Variants in KCNH8 observed in about 807,000 individuals in gnomAD.
KCNH8 encodes the protein potassium voltage-gated channel subfamily H member 8.
A neutral mutation model predicts 103.6 loss-of-function variants in KCNH8; 70 were observed. The observed-to-expected ratio is 0.68, with a 90% CI of 0.56 to 0.82. The LOEUF is 0.82. Among genes scored for constraint, KCNH8 ranks in the 40% least tolerant of loss-of-function variants. The pLI is 0.00. For missense variants in KCNH8, 1,217 were observed against 1,329.9 expected (o/e 0.92, Z 1.32); for synonymous variants, 498 against 489.4 (o/e 1.02, Z -0.23).
intron 3 of KCNH8, among the ~76,000 whole-genome samples, chr3:19,295,426 G>A (rs1013580534): frequency 1.4e-5 from 2 of 140,370 alleles, no homozygotes; most frequent in African/African-American, 2.6e-5. Flanking sequence ...AAATAAATAA[G>A]TTCAGGCTGA....
intron 5 of KCNH8, among the ~76,000 whole-genome samples, chr3:19,376,426 C>T (rs374465589): frequency 2.0e-5 from 3 of 152,166 alleles, no homozygotes; most frequent in African/African-American, 7.2e-5. Flanking sequence ...TTGCGCTTCC[C>T]GAGTGAGGCA....
intron 1 of KCNH8, among the ~76,000 whole-genome samples, chr3:19,220,931 G>A (rs1430902202): frequency 2.0e-5 from 3 of 152,146 alleles, no homozygotes; most frequent in Non-Finnish European, 2.9e-5. Flanking sequence ...AAGCTTTGGG[G>A]CCTTTTACTT....
At chr3:19,358,570 TAAAC>T (rs1291261649) in intron 5 of KCNH8, among the ~76,000 whole-genome samples, 1 of 151,904 alleles carries the variant, frequency 6.6e-6, no homozygotes, top group Non-Finnish European at 1.5e-5. Context: ...TGGGTGAAAA[TAAAC>T]AATATTGTTT....
intron 11 of KCNH8, among the ~76,000 whole-genome samples, chr3:19,460,973 C>G (rs971403942): frequency 1.1e-4 from 17 of 152,164 alleles, no homozygotes; most frequent in African/African-American, 3.6e-4. Flanking sequence ...ACCTCCCCAG[C>G]CATGCTGAAC....
intron 5 of KCNH8, among the ~76,000 whole-genome samples, chr3:19,348,950 A>T (rs1365172246): frequency 6.6e-6 from 1 of 151,830 alleles, no homozygotes; most frequent in African/African-American, 2.4e-5. Context: ...TAAATCTTTG[A>T]GGCTAGAGTG....
At chr3:19,237,363 C>T (rs1018150725) in intron 1 of KCNH8, among the ~76,000 whole-genome samples, 2 of 152,214 alleles carry the variant, frequency 1.3e-5, no homozygotes, top group African/African-American at 2.4e-5. Flanking sequence ...GGCTGGATTT[C>T]AGTCCTCATA....
chr3:19,234,058 G>C (rs575524003), intron 1 of KCNH8, among the ~76,000 whole-genome samples: 1 of 152,136 alleles, frequency 6.6e-6, no homozygotes. Flanking sequence ...TGCTGGCACC[G>C]GCAGCCTGCT....
chr3:19,451,396 C>G lies in KCNH8; in HGVS notation c.1817C>G (p.Ala606Gly). Reference sequence around the variant, plus strand: ...GTTCTTAAAGACAGCATGGTGCTGGCTATTCTTGGTAGGTCTGAATTGAAA... The same window carrying G: ...GTTCTTAAAGACAGCATGGTGCTGGGTATTCTTGGTAGGTCTGAATTGAAA... ...MEVLKDSMVL[A>G]ILGKGDLIGA... Residue 606 changes from alanine (A) to glycine (G), a missense_variant, in exon 10 of 16, where the codon GCT becomes GGT. Around this residue, in one of 3 missense-constraint regions of KCNH8, gnomAD observed 415 missense variants for 577.4 expected, o/e 0.72. Transcript: ENST00000328405. 1 of 1,613,438 alleles carries G rather than the reference C, an allele frequency of 6.2e-7. No homozygotes were observed. Among genetic ancestry groups the G allele is most frequent in the Non-Finnish European group, 8.5e-7 (1 of 1,179,610 alleles).
At chr3:19,335,842 T>G (rs1185584442) in intron 3 of KCNH8, among the ~76,000 whole-genome samples, 1 of 151,832 alleles carries the variant, frequency 6.6e-6, no homozygotes, top group Non-Finnish European at 1.5e-5. Context: ...CAAAGTAATT[T>G]TATAATTTTT....
intron 3 of KCNH8, among the ~76,000 whole-genome samples, chr3:19,291,121 G>C: frequency 6.6e-6 from 1 of 152,026 alleles, no homozygotes; most frequent in Non-Finnish European, 1.5e-5. Flanking sequence ...GCGTCTATTT[G>C]ATTCTTCTCT....
At chr3:19,185,683 G>GGTA (rs571337342) in intron 1 of KCNH8, among the ~76,000 whole-genome samples, 1 of 151,904 alleles carries the variant, frequency 6.6e-6, no homozygotes, top group African/African-American at 2.4e-5. Flanking sequence ...GTAATTGATA[G>GGTA]TTTAGGTATT....
intron 1 of KCNH8, among the ~76,000 whole-genome samples, chr3:19,150,245 G>A (rs1436172396): frequency 6.6e-6 from 1 of 152,104 alleles, no homozygotes; most frequent in Admixed American, 6.5e-5. Context: ...CCACACCACT[G>A]AAGCGCCACA....
At chr3:19,485,692 A>T (rs1159444706) in intron 11 of KCNH8, among the ~76,000 whole-genome samples, 1 of 152,130 alleles carries the variant, frequency 6.6e-6, no homozygotes, top group Admixed American at 6.5e-5. Flanking sequence ...TTGAGGGAGT[A>T]ATGGGGCTGC....
intron 1 of KCNH8, among the ~76,000 whole-genome samples, chr3:19,222,992 C>T (rs1476536788): frequency 5.9e-5 from 9 of 152,048 alleles, no homozygotes; most frequent in South Asian, 2.1e-4. Flanking sequence ...TTTTGAGCTC[C>T]GGCACAAATA....
At chr3:19,485,364 T>G (rs919421777) in intron 11 of KCNH8, among the ~76,000 whole-genome samples, 1 of 152,236 alleles carries the variant, frequency 6.6e-6, no homozygotes, top group Non-Finnish European at 1.5e-5. Flanking sequence ...AGCTGCTCCA[T>G]AAGCTTGTGT....
At chr3:19,204,741 A>G (rs113234194) in intron 1 of KCNH8, among the ~76,000 whole-genome samples, 4,229 of 152,206 alleles carry the variant, frequency 0.028, 201 homozygotes, top group African/African-American at 0.095. Flanking sequence ...AAATTATTAT[A>G]CACCAGCCTA....
chr3:19,268,489 A>G (rs1396509236), intron 2 of KCNH8, among the ~76,000 whole-genome samples: 1 of 152,054 alleles, frequency 6.6e-6, no homozygotes, highest in Non-Finnish European at 1.5e-5. Context: ...AAGGTAGGTA[A>G]ACCAAGTTAG....
chr3:19,362,055 A>G (rs1002127267), intron 5 of KCNH8, among the ~76,000 whole-genome samples: 1 of 152,170 alleles, frequency 6.6e-6, no homozygotes, highest in Non-Finnish European at 1.5e-5. Flanking sequence ...TCAAGAAATC[A>G]GCTCACTCAC....
chr3:19,469,934 T>C (rs944652623), intron 11 of KCNH8, among the ~76,000 whole-genome samples: 1 of 152,144 alleles, frequency 6.6e-6, no homozygotes, highest in Admixed American at 6.5e-5. Flanking sequence ...TCTACTGGAC[T>C]CCACTGGAGT....
Sources: gnomAD v4.1 joint callset for allele counts (sites outside exome capture counted in the v4.1 genomes callset) on GRCh38, gnomAD v4.1.1 for gene constraint, gnomAD v4.1.1 regional missense constraint, MANE v1.5 for transcripts, NCBI Gene and HGNC (gene_info 2026-07-23, HGNC 2026-07-21) for gene names.